ENKD1: variants seen among roughly 807,000 people sequenced by gnomAD.
The protein encoded by ENKD1 is enkurin domain containing 1.
In ENKD1, 39 loss-of-function variants were observed where a neutral mutation model predicts 35.8. That is an observed-to-expected ratio of 1.09 (90% CI 0.84 to 1.42). The LOEUF (loss-of-function observed/expected upper bound fraction) is 1.42, where lower values mean the gene tolerates loss of function less well. ENKD1 is among the 40% of genes most tolerant of loss of function. The probability of loss-of-function intolerance (pLI) is 0.00; values close to 1 mark genes in which losing one functional copy is unlikely to be tolerated. For missense variants in ENKD1, 474 were observed against 471.3 expected (o/e 1.01, Z -0.05); for synonymous variants, 205 against 198.6 (o/e 1.03, Z -0.27).
At position 67,666,224 on chromosome 16, in the gene ENKD1, G is replaced by A; in HGVS notation, c.127C>T (p.Leu43=). 6.2e-7 allele frequency: 1 copy of A among 1,608,350 alleles called. No homozygotes were observed. The highest frequency in any genetic ancestry group is 8.5e-7 in the Non-Finnish European group (1 of 1,177,116). The change falls in exon 2 of 7, where the codon CTG becomes TTG. Residue 43 remains leucine, a synonymous_variant. Coordinates refer to ENST00000243878, the MANE Select transcript of ENKD1 (RefSeq NM_032140.3). The stretch of plus-strand genomic sequence containing the variant: ...GTGTCCAGGGCCCGGTCGGAAGTCA[G>A]CAAGTCCAGCTTCAGCGCGTTTCCC... ...LEGNALKLDL[L]TSDRALDTTA... is the part of the protein sequence containing the mutation.
chr16:67,662,987 G>A lies in ENKD1; in HGVS notation c.*174C>T, dbSNP rs888898652. 2.8e-6 allele frequency: 2 copies of A among 704,908 alleles called. No homozygotes were observed. The highest frequency in any genetic ancestry group is 5.9e-5 in the Admixed American group (2 of 33,664). 43.7% of individuals were successfully genotyped at this position (704,908 alleles called of 1,614,324 possible). Reference sequence around the variant, plus strand: ...TTAATTTTGACAAAGCAGTTAAAAGGCTAGGGTGGCCCTTCTGCAGCCACT... The same window carrying A: ...TTAATTTTGACAAAGCAGTTAAAAGACTAGGGTGGCCCTTCTGCAGCCACT... On this transcript the variant is annotated 3_prime_UTR_variant, in exon 7 of 7. Transcript: ENST00000243878. The surrounding 1 kb of genome is among the most constrained non-coding windows in gnomAD (Gnocchi z 6.9).
chr16:67,665,207 G>A, intron 2 of ENKD1, 39 bp from the exon 3 acceptor site: 1 of 1,577,496 alleles, frequency 6.3e-7, no homozygotes, highest in Non-Finnish European at 8.6e-7. Flanking sequence ...CCTACATGGG[G>A]CCCACACAGT....
In ENKD1 at chr16:67,666,622, G is replaced by A; in HGVS notation, c.-180C>T. 3.6e-6 allele frequency: 2 copies of A among 555,712 alleles called. No homozygotes were observed. Among genetic ancestry groups the A allele is most frequent in the Non-Finnish European group, 6.0e-6 (2 of 333,218 alleles). 34.4% of individuals were successfully genotyped at this position (555,712 alleles called of 1,614,324 possible). ...GGCCCCGGCCTCGCTCGCCACCTCC[G>A]CGACCTCTGCTCCCAGCCCACTTCT... On this transcript the variant is annotated 5_prime_UTR_variant, in exon 1 of 7. Coordinates refer to ENST00000243878, the MANE Select transcript of ENKD1 (RefSeq NM_032140.3).
rs1032069482 is a variant in ENKD1 at position 67,663,012 on chromosome 16, T to C, written c.*149A>G. Reference sequence around the variant, plus strand: ...GCTAGGGTGGCCCTTCTGCAGCCACTGGTGACTGGGAAGAGTGCTCTAGGG... The same window carrying C: ...GCTAGGGTGGCCCTTCTGCAGCCACCGGTGACTGGGAAGAGTGCTCTAGGG... On this transcript the variant is annotated 3_prime_UTR_variant, in exon 7 of 7. Transcript: ENST00000243878. The C allele has an allele frequency of 1.6e-5, 14 of 895,514 alleles. No homozygotes were observed. In the South Asian group the frequency reaches 2.2e-4, roughly 14 times the overall value. The allele number at this position is 895,514 out of a possible 1,614,324, so 55.5% of individuals were successfully genotyped here. A position where few individuals can be genotyped will look rare whatever the true frequency, so the allele number is the denominator to read the frequency against.
chr16:67,663,014 G>A lies in ENKD1; in HGVS notation c.*147C>T. 1.1e-6 allele frequency: 1 copy of A among 918,738 alleles called. No homozygotes were observed. The allele number at this position is 918,738 out of a possible 1,614,324, so 56.9% of individuals were successfully genotyped here. On this transcript the variant is annotated 3_prime_UTR_variant, in exon 7 of 7. Transcript: ENST00000243878. Reference sequence around the variant, plus strand: ...TAGGGTGGCCCTTCTGCAGCCACTGGTGACTGGGAAGAGTGCTCTAGGGAC... The same window carrying A: ...TAGGGTGGCCCTTCTGCAGCCACTGATGACTGGGAAGAGTGCTCTAGGGAC...
Position 67,666,538 on chromosome 16 carries a change from G to T in ENKD1, c.-96C>A. On this transcript the variant is annotated 5_prime_UTR_variant, in exon 1 of 7. Coordinates refer to ENST00000243878, the MANE Select transcript of ENKD1 (RefSeq NM_032140.3). The stretch of plus-strand genomic sequence containing the variant: ...TCCCCAACCCCGGGCCCCCTCCCTC[G>T]CCCGGCACCCTGACCCTGGCGTGCC... The T allele has an allele frequency of 3.4e-6, 4 of 1,180,268 alleles. No individual in the cohort carries two copies. The highest frequency in any genetic ancestry group is 3.5e-5 in the South Asian group (2 of 56,506). The allele number at this position is 1,180,268 out of a possible 1,614,324, so 73.1% of individuals were successfully genotyped here.
At chr16:67,666,335 C>T (rs770530230) in intron 1 of ENKD1, 23 bp downstream of exon 1, 1 of 1,584,308 alleles carries the variant, frequency 6.3e-7, no homozygotes, top group Admixed American at 1.8e-5. Flanking sequence ...AGCCTCGCAC[C>T]ACCGCCAAGC....
Position 67,663,387 on chromosome 16 carries a change from GCCCCCCT to G in ENKD1, c.880+26_880+32del, listed in dbSNP as rs762699410. The G allele has an allele frequency of 9.3e-6, 15 of 1,611,420 alleles. 1 individual carries two copies. In the Admixed American group the frequency reaches 2.5e-4, roughly 27 times the overall value. ...GCAGGGGTGCCCGGTCCCCAGTGGGGCCCCCCTCCAGCCTCCCTGCCCAGGTACTCAC... is the reference window on the plus strand; with the variant it reads ...GCAGGGGTGCCCGGTCCCCAGTGGGGCCAGCCTCCCTGCCCAGGTACTCAC... On this transcript the variant is annotated intron_variant, in intron 6 of 6. Coordinates refer to ENST00000243878, the MANE Select transcript of ENKD1 (RefSeq NM_032140.3).
chr16:67,666,093 T>C lies in ENKD1; in HGVS notation c.258A>G (p.Leu86=), dbSNP rs1208010208. Residue 86 remains leucine (L), a synonymous_variant, in exon 2 of 7, where the codon CTA becomes CTG. Coordinates refer to ENST00000243878, the MANE Select transcript of ENKD1 (RefSeq NM_032140.3). Reference sequence around the variant, plus strand: ...TACTCTTGAGAGAGGCCCCAGGACCTAGGGAGATCCCCTCGAGTTGCAACA... The same window carrying C: ...TACTCTTGAGAGAGGCCCCAGGACCCAGGGAGATCCCCTCGAGTTGCAACA... ...DVLLQLEGIS[L]GPGASLKRKD... 6.2e-7 allele frequency: 1 copy of C among 1,612,672 alleles called. No homozygotes were observed. The highest frequency in any genetic ancestry group is 8.5e-7 in the Non-Finnish European group (1 of 1,179,968).
At chr16:67,665,217 T>G (rs1466885309) in intron 2 of ENKD1, 49 bp from the exon 3 acceptor site, 6 of 1,558,318 alleles carry the variant, frequency 3.9e-6, no homozygotes, top group Admixed American at 3.9e-5. Flanking sequence ...GCCCACACAG[T>G]CCAACTTCCA....
At chr16:67,663,372 C>T (rs777407203) in intron 6 of ENKD1, 48 bp downstream of exon 6, 1 of 1,611,712 alleles carries the variant, frequency 6.2e-7, no homozygotes, top group South Asian at 1.1e-5. Flanking sequence ...GCAGGGGTGC[C>T]CGGTCCCCAG....
chr16:67,664,202 T>C, intron 3 of ENKD1, 140 bp from the exon 4 acceptor site: 1 of 751,740 alleles, frequency 1.3e-6, no homozygotes, highest in South Asian at 1.5e-5. Flanking sequence ...ACACTTGTCC[T>C]CATCAGCACA....
rs372850599 is a variant in ENKD1 at position 67,663,838 on chromosome 16, C to T, written c.580-18G>A. 87 of 1,602,296 alleles carry T rather than the reference C, an allele frequency of 5.4e-5. 2 individuals carry two copies. The highest frequency in any genetic ancestry group is 2.2e-4 in the South Asian group (20 of 89,094). On this transcript the variant is annotated intron_variant, in intron 4 of 6. Transcript: ENST00000243878. ...CCTGGCTCCTGCAGGACACAGCAAG[C>T]GTGGGTGGGGGCAGACAGCATTATG... is the stretch of plus-strand genomic sequence containing the variant.
chr16:67,665,599 T>G (rs2053090632), intron 2 of ENKD1, among the ~76,000 whole-genome samples: 2 of 152,162 alleles, frequency 1.3e-5, no homozygotes, highest in Admixed American at 6.5e-5. Flanking sequence ...TGGACTCAAG[T>G]GATCTGCCCG....
At position 67,663,923 on chromosome 16, in the gene ENKD1, A is replaced by C; in HGVS notation, c.579+14T>G. 1 of 1,607,370 alleles carries C rather than the reference A, an allele frequency of 6.2e-7. No individual in the cohort carries two copies. Among genetic ancestry groups the C allele is most frequent in the Non-Finnish European group, 8.5e-7 (1 of 1,176,912 alleles). On this transcript the variant is annotated intron_variant, in intron 4 of 6. Transcript: ENST00000243878. ...CCTGCCCAACCACCATCTAGCCCCCATACATCCTCTCACCTTAGCTTCGGG... is the reference window on the plus strand; with the variant it reads ...CCTGCCCAACCACCATCTAGCCCCCCTACATCCTCTCACCTTAGCTTCGGG...
Position 67,666,744 on chromosome 16 carries a change from G to A in ENKD1, c.-302C>T, listed in dbSNP as rs1195197920. 2 of 478,672 alleles carry A rather than the reference G, an allele frequency of 4.2e-6. No individual in the cohort carries two copies. Among genetic ancestry groups the A allele is most frequent in the African/African-American group, 4.1e-5 (2 of 48,962 alleles). The allele number at this position is 478,672 out of a possible 1,614,324, so 29.7% of individuals were successfully genotyped here. ...CTGCCACCCGACGGGACTTGTTGTT[G>A]CCGGGCAACCGTGGCTTCCGTCCCC... is the stretch of plus-strand genomic sequence containing the variant. On this transcript the variant is annotated 5_prime_UTR_variant, in exon 1 of 7. Coordinates refer to ENST00000243878, the MANE Select transcript of ENKD1 (RefSeq NM_032140.3).
intron 3 of ENKD1, 28 bp from the exon 4 acceptor site, chr16:67,664,090 C>A: frequency 6.5e-7 from 1 of 1,546,728 alleles, no homozygotes; most frequent in East Asian, 2.4e-5. Flanking sequence ...GCAGAGAGAG[C>A]AGGCAGGCTG....
In ENKD1 at chr16:67,662,995, G is replaced by T; in HGVS notation, c.*166C>A. The T allele has an allele frequency of 1.4e-6, 1 of 731,096 alleles. No individual in the cohort carries two copies. Among genetic ancestry groups the T allele is most frequent in the Non-Finnish European group, 2.2e-6 (1 of 456,990 alleles). The allele number at this position is 731,096 out of a possible 1,614,324, so 45.3% of individuals were successfully genotyped here. ...GACAAAGCAGTTAAAAGGCTAGGGT[G>T]GCCCTTCTGCAGCCACTGGTGACTG... On this transcript the variant is annotated 3_prime_UTR_variant, in exon 7 of 7. Coordinates refer to ENST00000243878, the MANE Select transcript of ENKD1 (RefSeq NM_032140.3). The surrounding 1 kb of genome is among the most constrained non-coding windows in gnomAD (Gnocchi z 6.9).
intron 3 of ENKD1, 24 bp downstream of exon 3, chr16:67,664,972 C>G (rs1430742293): frequency 6.3e-7 from 1 of 1,581,080 alleles, no homozygotes; most frequent in African/African-American, 1.4e-5. Flanking sequence ...ATGGATAATA[C>G]TTCTGGCTCC....
Sources: gnomAD v4.1 joint callset for allele counts (sites outside exome capture counted in the v4.1 genomes callset) on GRCh38, gnomAD v4.1.1 for gene constraint, Gnocchi (gnomAD v3.1) non-coding constraint, MANE v1.5 for transcripts, NCBI Gene and HGNC (gene_info 2026-07-23, HGNC 2026-07-21) for gene names.